ACYP2: variants seen among roughly 807,000 people sequenced by gnomAD.
ACYP2 encodes the protein acylphosphatase-2.
A neutral mutation model predicts 11.2 loss-of-function variants in ACYP2; 12 were observed. The ratio of observed to expected loss-of-function variants is 1.08; its 90% CI spans 0.69 to 1.74. ACYP2 has a LOEUF of 1.74. Ranked by LOEUF, ACYP2 falls within the 40% of genes most tolerant of loss-of-function variation. ACYP2 has a pLI of 0.00. For synonymous variants in ACYP2, 43 were observed against 32.2 expected (o/e 1.33, Z -1.13); for missense variants, 134 against 101.9 (o/e 1.31, Z -1.35).
chr2:53,993,531 C>T (rs934448433), intron 2 of ACYP2, among the ~76,000 whole-genome samples: 1 of 151,772 alleles, frequency 6.6e-6, no homozygotes, highest in Non-Finnish European at 1.5e-5. Flanking sequence ...AACCCCATCT[C>T]TACTAAAAAT....
intron 3 of ACYP2, among the ~76,000 whole-genome samples, chr2:54,056,898 A>G (rs1422182779): frequency 3.9e-5 from 6 of 152,224 alleles, no homozygotes; most frequent in Non-Finnish European, 7.3e-5. Context: ...TTATTTGTGT[A>G]AGACAAATGC....
Position 54,251,018 on chromosome 2 carries a change from T to C in ACYP2, c.405-53670T>C, listed in dbSNP as rs77752084. ...AGTCTTCAGAATAGCATCATCCCTG[T>C]TGAACAGCATAAAAAATATATGGAT... On this transcript the variant is annotated intron_variant, in intron 6 of 6. Coordinates refer to ENST00000607452, the MANE Select transcript of ACYP2 (RefSeq NM_001320586.2). Among the ~76,000 whole-genome samples, 1,388 of 152,330 alleles carry C rather than the reference T, an allele frequency of 9.1e-3. 19 individuals are homozygous for C. Among genetic ancestry groups the C allele is most frequent in the African/African-American group, 0.032 (1,334 of 41,572 alleles).
At chr2:54,267,274 G>A (rs843736) in intron 6 of ACYP2, 11 of 1,546,608 alleles carry the variant, frequency 7.1e-6, no homozygotes, top group Non-Finnish European at 9.6e-6. Context: ...AGGAAATTCA[G>A]AATTTCCATT....
intron 4 of ACYP2, among the ~76,000 whole-genome samples, chr2:54,126,537 TTACA>T (rs1418751692): frequency 6.7e-6 from 1 of 148,580 alleles, no homozygotes; most frequent in Non-Finnish European, 1.5e-5. Context: ...TCAACATTTT[TTACA>T]TACATACACA....
intron 6 of ACYP2, among the ~76,000 whole-genome samples, chr2:54,222,519 C>T (rs979436851): frequency 6.8e-6 from 1 of 147,418 alleles, no homozygotes; most frequent in Non-Finnish European, 1.5e-5. Flanking sequence ...CACTGCACAC[C>T]AGCCTGGGTG....
intron 6 of ACYP2, among the ~76,000 whole-genome samples, chr2:54,209,661 G>C (rs539081990): frequency 6.6e-6 from 1 of 152,240 alleles, no homozygotes; most frequent in Admixed American, 6.5e-5. Context: ...TGACAGTTCA[G>C]TTTGAGACAA....
rs551452628 is a variant in ACYP2, at chr2:54,182,184, C to T, written c.404+43436C>T. On this transcript the variant is annotated intron_variant, in intron 6 of 6. Transcript: ENST00000607452. ...AAGTGATTCTCCTGCCTCAGCCTCC[C>T]GAGTAGCTGGGATTACAGGCGCCCG... Among the ~76,000 whole-genome samples, 32 of 151,324 alleles carry T rather than the reference C, an allele frequency of 2.1e-4. 1 individual carries two copies. In the East Asian group the frequency reaches 5.4e-3, roughly 26 times the overall value.
At chr2:53,987,984 T>A (rs1015845026) in intron 2 of ACYP2, among the ~76,000 whole-genome samples, 4 of 152,198 alleles carry the variant, frequency 2.6e-5, no homozygotes, top group Admixed American at 1.3e-4. Flanking sequence ...CTTAAAGGGA[T>A]CTTTTACAGA....
chr2:54,105,174 C>T (rs1679090709), intron 4 of ACYP2, among the ~76,000 whole-genome samples: 1 of 152,184 alleles, frequency 6.6e-6, no homozygotes, highest in East Asian at 1.9e-4. Context: ...GTACTTGGAA[C>T]AGGAACCAGA....
chr2:54,245,372 ATTTCCTTTCC>A (rs1686901824), intron 6 of ACYP2, among the ~76,000 whole-genome samples: 1 of 152,080 alleles, frequency 6.6e-6, no homozygotes, highest in African/African-American at 2.4e-5. Flanking sequence ...CAATGTACTG[ATTTCCTTTCC>A]TTTGGATAAA....
intron 2 of ACYP2, among the ~76,000 whole-genome samples, chr2:54,009,082 G>A (rs2104534797): frequency 6.6e-6 from 1 of 152,020 alleles, no homozygotes; most frequent in East Asian, 1.9e-4. Context: ...GAATCTGGGA[G>A]GCAGAGGTTG....
intron 6 of ACYP2, among the ~76,000 whole-genome samples, chr2:54,229,655 T>C (rs1020215738): frequency 1.3e-5 from 2 of 152,230 alleles, no homozygotes; most frequent in East Asian, 3.8e-4. Flanking sequence ...TTTTCTTTCA[T>C]GTAGTGTTTA....
intron 6 of ACYP2, among the ~76,000 whole-genome samples, chr2:54,174,527 G>T (rs1464255201): frequency 6.6e-6 from 1 of 151,934 alleles, no homozygotes; most frequent in Non-Finnish European, 1.5e-5. Flanking sequence ...TCTTTTTCTT[G>T]CCTGATTGCC....
rs572240860 is a variant in ACYP2 at position 54,004,754 on chromosome 2, T to G, written c.62+30944T>G. On this transcript the variant is annotated intron_variant, in intron 2 of 6. Coordinates refer to ENST00000607452, the MANE Select transcript of ACYP2 (RefSeq NM_001320586.2). ...AGCAGATTGTTCATTTTCTTATTAT[T>G]GAGCTTTAAGAGTTCTTTGTCTCAG... Among the ~76,000 whole-genome samples, 3 of 151,760 alleles carry G rather than the reference T, an allele frequency of 2.0e-5. No individual in the cohort carries two copies. The South Asian group carries it at 6.2e-4, about 32-fold the overall frequency.
chr2:54,068,035 C>A (rs913866039), intron 4 of ACYP2, among the ~76,000 whole-genome samples: 8 of 152,172 alleles, frequency 5.3e-5, no homozygotes. Flanking sequence ...TGTATTTTGT[C>A]ATGGCAGTCG....
intron 6 of ACYP2, among the ~76,000 whole-genome samples, chr2:54,173,871 G>C: frequency 6.6e-6 from 1 of 152,136 alleles, no homozygotes; most frequent in East Asian, 1.9e-4. Context: ...TGAGGCCTCT[G>C]TTCTGTTCCA....
chr2:54,084,904 G>T (rs1677868000), intron 4 of ACYP2: 1 of 152,136 alleles, frequency 6.6e-6, no homozygotes, highest in Non-Finnish European at 1.5e-5. Flanking sequence ...TATAGTAGAT[G>T]ATAATATTGA....
At chr2:54,021,001 C>A (rs766738921) in intron 2 of ACYP2, among the ~76,000 whole-genome samples, 9 of 152,152 alleles carry the variant, frequency 5.9e-5, no homozygotes, top group African/African-American at 1.9e-4. Context: ...GTACAACTCA[C>A]AGATGGAGCA....
intron 4 of ACYP2, chr2:54,065,466 ACT>A (rs1676698303): frequency 2.5e-6 from 1 of 398,584 alleles, no homozygotes; most frequent in Non-Finnish European, 4.4e-6. Flanking sequence ...TTAGATCCAG[ACT>A]CTGAATTCAG....
Sources: allele counts gnomAD v4.1 joint callset (sites outside exome capture counted in the v4.1 genomes callset), GRCh38; gene constraint gnomAD v4.1.1; transcripts MANE v1.5; gene names NCBI Gene and HGNC (gene_info 2026-07-23, HGNC 2026-07-21).